Variants in SPSB4 observed in about 807,000 individuals in gnomAD.
The protein encoded by SPSB4 is SPRY domain-containing SOCS box protein 4.
Under a neutral mutation model 20.9 loss-of-function variants are expected in SPSB4, and 21 were observed. The observed-to-expected ratio is 1.01, with a 90% confidence interval of 0.71 to 1.45. The LOEUF is 1.45. Among genes scored for constraint, SPSB4 ranks in the 40% most tolerant of loss-of-function variants. The pLI, the probability that SPSB4 is intolerant of heterozygous loss-of-function variation, is 0.00. For synonymous variants in SPSB4, 207 were observed against 183.8 expected (o/e 1.13, Z -1.02); for missense variants, 399 against 399.2 (o/e 1.00, Z 0.00).
intron 2 of SPSB4, among the ~76,000 whole-genome samples, chr3:141,072,326 T>C (rs1418775166): frequency 1.3e-5 from 2 of 152,262 alleles, no homozygotes; most frequent in African/African-American, 4.8e-5. Context: ...CCTATTTACT[T>C]GATATCGCTT....
Position 141,066,387 on chromosome 3 carries a change from C to G in SPSB4, c.283C>G (p.Arg95Gly). ...CATCCGCGGCAAGGTGGGCCACGCC[C>G]GCGGCCTGCACGCCTGGCAGATCAA... The part of the protein sequence containing the change: ...DGIRGKVGHA[R>G]GLHAWQINWP... Residue 95 changes from arginine to glycine, a missense_variant, in exon 2 of 3, where the codon CGC becomes GGC. Transcript: ENST00000310546. 2 of 1,543,806 alleles carry G rather than the reference C, an allele frequency of 1.3e-6. No individual in the cohort carries two copies. Among genetic ancestry groups the G allele is most frequent in the Non-Finnish European group, 1.7e-6 (2 of 1,146,170 alleles).
chr3:141,102,449 T>C (rs1053891827), intron 2 of SPSB4, among the ~76,000 whole-genome samples: 3 of 152,166 alleles, frequency 2.0e-5, no homozygotes, highest in Non-Finnish European at 2.9e-5. Flanking sequence ...CTGGTCTGTC[T>C]TGAGAGCCAG....
intron 1 of SPSB4, among the ~76,000 whole-genome samples, chr3:141,063,980 C>T (rs1937815589): frequency 6.6e-6 from 1 of 152,252 alleles, no homozygotes; most frequent in Non-Finnish European, 1.5e-5. Context: ...CACACTGCTT[C>T]CTGTGAAGAT....
At chr3:141,124,616 AT>A (rs1212138203) in intron 2 of SPSB4, among the ~76,000 whole-genome samples, 1 of 152,070 alleles carries the variant, frequency 6.6e-6, no homozygotes, top group East Asian at 1.9e-4. Flanking sequence ...GGACAAAGAG[AT>A]GTTTAGGACG....
At chr3:141,090,654 G>A (rs963565779) in intron 2 of SPSB4, among the ~76,000 whole-genome samples, 8 of 152,220 alleles carry the variant, frequency 5.3e-5, no homozygotes, top group Non-Finnish European at 1.2e-4. Flanking sequence ...AGACCAGAGC[G>A]AAACCGGGCA....
intron 1 of SPSB4, among the ~76,000 whole-genome samples, chr3:141,059,704 G>A (rs1396116416): frequency 6.6e-6 from 1 of 152,160 alleles, no homozygotes; most frequent in Non-Finnish European, 1.5e-5. Context: ...GCTTCAACAT[G>A]TGAATTTGGG....
chr3:141,139,877 G>A (rs149909049), intron 2 of SPSB4, among the ~76,000 whole-genome samples: 1 of 152,220 alleles, frequency 6.6e-6, no homozygotes, highest in African/African-American at 2.4e-5. Context: ...TCGAATGTTG[G>A]CCTGCCTTGC....
intron 1 of SPSB4, among the ~76,000 whole-genome samples, chr3:141,057,313 G>T (rs80000331): frequency 6.6e-6 from 1 of 152,122 alleles, no homozygotes; most frequent in African/African-American, 2.4e-5. Flanking sequence ...ATTTGCACAA[G>T]AAAAATCTTA....
intron 2 of SPSB4, among the ~76,000 whole-genome samples, chr3:141,104,490 C>G (rs182294808): frequency 1.3e-3 from 203 of 152,314 alleles, no homozygotes; most frequent in African/African-American, 4.8e-3. Context: ...CCAGACACAC[C>G]CCCAAGGATC....
intron 1 of SPSB4, 43 bp from the exon 2 acceptor site, chr3:141,065,909 G>A (rs950984347): frequency 1.7e-5 from 9 of 519,394 alleles, no homozygotes; most frequent in Admixed American, 4.0e-5. Flanking sequence ...GCAACTGGCT[G>A]CTGATGCTGC....
Position 141,129,884 on chromosome 3 carries a change from G to A in SPSB4, c.695-17258G>A, listed in dbSNP as rs116368055. 1.6e-3 allele frequency among the ~76,000 whole-genome samples: 248 copies of A among 152,340 alleles called. 1 individual carries two copies. Among genetic ancestry groups the A allele is most frequent in the African/African-American group, 5.2e-3 (217 of 41,584 alleles). On this transcript the variant is annotated intron_variant, in intron 2 of 2. Coordinates refer to ENST00000310546, the MANE Select transcript of SPSB4 (RefSeq NM_080862.3). ...GCACAAGAAGTAACTTGATAGCTCCGTATCCCAGGGAAAATGAGGGCCCCA... is the reference window on the plus strand; with the variant it reads ...GCACAAGAAGTAACTTGATAGCTCCATATCCCAGGGAAAATGAGGGCCCCA...
At chr3:141,143,322 G>T (rs1000967240) in intron 2 of SPSB4, among the ~76,000 whole-genome samples, 2 of 152,180 alleles carry the variant, frequency 1.3e-5, no homozygotes, top group Admixed American at 6.5e-5. Context: ...CCTTGATGTG[G>T]TACTCTCCTG....
intron 2 of SPSB4, among the ~76,000 whole-genome samples, chr3:141,110,399 C>G (rs1938776271): frequency 2.0e-5 from 3 of 152,194 alleles, no homozygotes; most frequent in African/African-American, 7.2e-5. Context: ...AGGGAATTAA[C>G]AGATACCCAT....
At chr3:141,061,738 C>CTTT (rs71151410) in intron 1 of SPSB4, among the ~76,000 whole-genome samples, 2 of 94,844 alleles carry the variant, frequency 2.1e-5, no homozygotes, top group African/African-American at 3.6e-5. Flanking sequence ...TTCTTTCTTT[C>CTTT]TTTTTTTTTT....
rs115473970 is a variant in SPSB4 at position 141,124,996 on chromosome 3, G to A, written c.695-22146G>A. Among the ~76,000 whole-genome samples, 994 of 152,224 alleles carry A rather than the reference G, an allele frequency of 6.5e-3. 13 individuals carry two copies. Among genetic ancestry groups the A allele is most frequent in the African/African-American group, 0.023 (955 of 41,538 alleles). ...CTAACGAGGGTCCCAGACAAGAATC[G>A]GGCAGAGATCACATGTGACAATGTC... On this transcript the variant is annotated intron_variant, in intron 2 of 2. Transcript: ENST00000310546.
In SPSB4 at chr3:141,148,115, C is replaced by T. The variant is rs1159646659; in HGVS notation, c.*846C>T. On this transcript the variant is annotated 3_prime_UTR_variant, in exon 3 of 3. Coordinates refer to ENST00000310546, the MANE Select transcript of SPSB4 (RefSeq NM_080862.3). This position sits in a 1 kb window ranked among gnomAD's most constrained non-coding sequence, Gnocchi z 4.5. ...GGGGGAACTGGGGGCATTGTGACACCCAAGTCTGATGTGTCCTGGGTTGGG... is the reference window on the plus strand; with the variant it reads ...GGGGGAACTGGGGGCATTGTGACACTCAAGTCTGATGTGTCCTGGGTTGGG... The T allele has an allele frequency of 6.6e-6, 1 of 152,648 alleles. No homozygotes were observed. Among genetic ancestry groups the T allele is most frequent in the Non-Finnish European group, 1.5e-5 (1 of 68,152 alleles). 9.5% of individuals were successfully genotyped at this position (152,648 alleles called of 1,614,324 possible).
chr3:141,081,659 C>A (rs931398094), intron 2 of SPSB4, among the ~76,000 whole-genome samples: 3 of 151,574 alleles, frequency 2.0e-5, no homozygotes, highest in African/African-American at 7.2e-5. Flanking sequence ...GGGGGAGGGG[C>A]AGCTGTGCAG....
intron 2 of SPSB4, among the ~76,000 whole-genome samples, chr3:141,079,351 A>G (rs551184442): frequency 9.2e-5 from 14 of 151,702 alleles, no homozygotes; most frequent in Admixed American, 3.3e-4. Flanking sequence ...CACAAAACAG[A>G]AAGAGTATAG....
intron 1 of SPSB4, among the ~76,000 whole-genome samples, chr3:141,062,377 TTA>T (rs1314156516): frequency 1.7e-4 from 26 of 152,032 alleles, no homozygotes; most frequent in Admixed American, 9.8e-4. Context: ...CTTTAATAGT[TTA>T]TATGTTTTAT....
Sources: gnomAD v4.1 joint callset for allele counts (sites outside exome capture counted in the v4.1 genomes callset) on GRCh38, gnomAD v4.1.1 for gene constraint, Gnocchi (gnomAD v3.1) non-coding constraint, MANE v1.5 for transcripts, NCBI Gene and HGNC (gene_info 2026-07-23, HGNC 2026-07-21) for gene names.